The following GPC6 variants were observed in gnomAD, a reference collection of about 807,000 sequenced individuals.
The protein encoded by GPC6 is glypican 6.
In GPC6, 14 loss-of-function variants were observed where a neutral mutation model predicts 55.2. The observed-to-expected ratio is 0.25, with a 90% CI of 0.17 to 0.40. The LOEUF (loss-of-function observed/expected upper bound fraction) is 0.40, where lower values mean the gene tolerates loss of function less well. Ranked by LOEUF, GPC6 falls within the 10% of genes least tolerant of loss-of-function variation. The pLI is 1.00. For synonymous variants in GPC6, 278 were observed against 259.6 expected (o/e 1.07, Z -0.68); for missense variants, 641 against 708.5 (o/e 0.90, Z 1.08).
At chr13:94,106,208 G>A (rs368662658) in intron 4 of GPC6, among the ~76,000 whole-genome samples, 26 of 152,064 alleles carry the variant, frequency 1.7e-4, no homozygotes, top group African/African-American at 5.1e-4. Flanking sequence ...TAGCTCCCAC[G>A]ACCAAGAGTT....
chr13:94,264,863 G>C (rs1001630992), intron 4 of GPC6, among the ~76,000 whole-genome samples: 3 of 152,204 alleles, frequency 2.0e-5, no homozygotes, highest in Non-Finnish European at 2.9e-5. Flanking sequence ...AAGGTGAAAG[G>C]CCTATCTAAC....
chr13:93,548,672 G>A (rs765179493), intron 2 of GPC6, among the ~76,000 whole-genome samples: 16 of 152,012 alleles, frequency 1.1e-4, no homozygotes, highest in African/African-American at 3.6e-4. Flanking sequence ...AATACTCATC[G>A]GATGGTAGGA....
intron 4 of GPC6, among the ~76,000 whole-genome samples, chr13:94,097,699 A>G (rs1002684912): frequency 4.6e-5 from 7 of 152,152 alleles, no homozygotes; most frequent in Non-Finnish European, 7.3e-5. Flanking sequence ...TTAAAGAGAA[A>G]TGCAACACAG....
chr13:93,589,486 A>G (rs9584142), intron 2 of GPC6, among the ~76,000 whole-genome samples: 25,216 of 152,174 alleles, frequency 0.17, 5,238 homozygotes, highest in African/African-American at 0.49. Flanking sequence ...AAATAATTTT[A>G]ATCCATGCTC....
chr13:93,225,610 G>A (rs750833465), upstream of GPC6, among the ~76,000 whole-genome samples: 2 of 152,074 alleles, frequency 1.3e-5, no homozygotes, highest in Non-Finnish European at 2.9e-5. Context: ...GTTTGGAAAG[G>A]TTAAATGAGG....
chr13:93,738,319 G>A (rs1279506188), intron 2 of GPC6, among the ~76,000 whole-genome samples: 1 of 152,094 alleles, frequency 6.6e-6, no homozygotes, highest in African/African-American at 2.4e-5. Flanking sequence ...GACAGAAGTT[G>A]TTCTGAATAG....
chr13:93,858,119 CCACTTAA>C (rs935964564), intron 3 of GPC6, among the ~76,000 whole-genome samples: 6 of 151,454 alleles, frequency 4.0e-5, no homozygotes, highest in African/African-American at 1.2e-4. Flanking sequence ...TGGTTGTCTA[CCACTTAA>C]CAGTTTGACT....
At chr13:93,536,363 T>C (rs533886869) in intron 1 of GPC6, among the ~76,000 whole-genome samples, 1 of 152,250 alleles carries the variant, frequency 6.6e-6, no homozygotes, top group South Asian at 2.1e-4. Context: ...CAGCCTGAAA[T>C]TCTATAATCG....
chr13:93,763,323 G>A (rs1313287334), intron 2 of GPC6, among the ~76,000 whole-genome samples: 1 of 152,184 alleles, frequency 6.6e-6, no homozygotes, highest in Non-Finnish European at 1.5e-5. Flanking sequence ...GCAAAGAATA[G>A]CACAATTTCA....
chr13:93,687,238 T>A (rs1330918702), intron 2 of GPC6, among the ~76,000 whole-genome samples: 1 of 152,164 alleles, frequency 6.6e-6, no homozygotes, highest in African/African-American at 2.4e-5. Context: ...TTATAATTAT[T>A]TTCTAATCAA....
chr13:94,039,491 A>G (rs530427445), intron 4 of GPC6, among the ~76,000 whole-genome samples: 1 of 151,878 alleles, frequency 6.6e-6, no homozygotes, highest in Non-Finnish European at 1.5e-5. Context: ...AATACATCAG[A>G]TATGACTGAG....
chr13:94,242,211 TTCCAGCTTCA>T (rs1348103856), intron 4 of GPC6, among the ~76,000 whole-genome samples: 7 of 152,186 alleles, frequency 4.6e-5, no homozygotes, highest in African/African-American at 1.7e-4. Flanking sequence ...GAATGATGGT[TTCCAGCTTCA>T]TCCATGTCCC....
chr13:93,378,534 G>C (rs1413920038), intron 1 of GPC6, among the ~76,000 whole-genome samples: 1 of 152,086 alleles, frequency 6.6e-6, no homozygotes, highest in Non-Finnish European at 1.5e-5. Flanking sequence ...TTTAGTACTT[G>C]TCATACTGTA....
At chr13:94,212,178 G>A (rs542410524) in intron 4 of GPC6, among the ~76,000 whole-genome samples, 3 of 152,288 alleles carry the variant, frequency 2.0e-5, no homozygotes, top group African/African-American at 7.2e-5. Flanking sequence ...ATACTGAGAT[G>A]TACCAGCAAA....
chr13:93,874,790 G>A (rs191861442), intron 3 of GPC6, among the ~76,000 whole-genome samples: 2 of 151,750 alleles, frequency 1.3e-5, no homozygotes, highest in Non-Finnish European at 2.9e-5. Flanking sequence ...CTAGTACCTG[G>A]TGTTCTCAGA....
intron 1 of GPC6, among the ~76,000 whole-genome samples, chr13:93,435,594 G>T (rs1258824179): frequency 1.3e-5 from 2 of 151,888 alleles, no homozygotes; most frequent in Non-Finnish European, 2.9e-5. Flanking sequence ...ACCAACGAAA[G>T]AAACCAATTT....
chr13:94,183,472 G>T (rs149863873), intron 4 of GPC6, among the ~76,000 whole-genome samples: 1 of 152,220 alleles, frequency 6.6e-6, no homozygotes, highest in East Asian at 1.9e-4. Context: ...TGTTCATGAA[G>T]CCTGGAGCTG....
intron 4 of GPC6, among the ~76,000 whole-genome samples, chr13:94,259,204 C>T (rs926243088): frequency 6.6e-6 from 1 of 152,182 alleles, no homozygotes; most frequent in Non-Finnish European, 1.5e-5. Flanking sequence ...CCAGAAGCCC[C>T]GAGCAAACAT....
intron 4 of GPC6, among the ~76,000 whole-genome samples, chr13:94,105,044 T>A (rs1178680069): frequency 6.6e-6 from 1 of 152,142 alleles, no homozygotes; most frequent in Non-Finnish European, 1.5e-5. Context: ...GCTGGAGGCA[T>A]CACGCTACCT....
Sources: allele counts gnomAD v4.1 joint callset (sites outside exome capture counted in the v4.1 genomes callset), GRCh38; gene constraint gnomAD v4.1.1; transcripts MANE v1.5; gene names NCBI Gene and HGNC (gene_info 2026-07-23, HGNC 2026-07-21).